The following DRC11 variants were observed in gnomAD, a reference collection of about 807,000 sequenced individuals.
DRC11 encodes the protein IQ and AAA domain-containing protein 1.
At chr2:236,363,222 G>A in the DRC11 span, among the ~76,000 whole-genome samples, 5 of 152,140 alleles carry the variant, frequency 3.3e-5, no homozygotes, top group African/African-American at 9.7e-5. The surrounding 1 kb of genome is among the most constrained non-coding windows in gnomAD (Gnocchi z 5.6). Context: ...TCTTTCAAAC[G>A]CATTCATTTT....
chr2:236,377,458 C>T, the DRC11 span, among the ~76,000 whole-genome samples: 1 of 152,184 alleles, frequency 6.6e-6, no homozygotes, highest in Non-Finnish European at 1.5e-5. This position sits in a 1 kb window ranked among gnomAD's most constrained non-coding sequence, Gnocchi z 4.9. Context: ...CTAACTCCTG[C>T]AGTCTGCCCT....
chr2:236,496,603 G>A, the DRC11 span, among the ~76,000 whole-genome samples: 3 of 152,194 alleles, frequency 2.0e-5, no homozygotes, highest in Non-Finnish European at 4.4e-5. The surrounding 1 kb of genome is among the most constrained non-coding windows in gnomAD (Gnocchi z 6.3). Flanking sequence ...AAGGGCTCCA[G>A]GGAGAGAGGG....
the DRC11 span, among the ~76,000 whole-genome samples, chr2:236,499,903 T>A: frequency 0.041 from 6,196 of 152,302 alleles, 401 homozygotes; most frequent in African/African-American, 0.14. The surrounding 1 kb of genome is among the most constrained non-coding windows in gnomAD (Gnocchi z 4.7). Context: ...CAAGTCATTA[T>A]TAAGCAGCCC....
the DRC11 span, among the ~76,000 whole-genome samples, chr2:236,460,222 A>G: frequency 2.0e-5 from 3 of 152,220 alleles, no homozygotes; most frequent in Non-Finnish European, 4.4e-5. The surrounding 1 kb of genome is among the most constrained non-coding windows in gnomAD (Gnocchi z 4.0). Flanking sequence ...TCTGCACAGC[A>G]CACCCACGAG....
chr2:236,404,132 A>G, the DRC11 span, among the ~76,000 whole-genome samples: 1 of 150,616 alleles, frequency 6.6e-6, no homozygotes, highest in Admixed American at 6.6e-5. Context: ...ACTGTCAGAC[A>G]ACTTTTTTGA....
the DRC11 span, among the ~76,000 whole-genome samples, chr2:236,461,258 AC>A: frequency 6.6e-6 from 1 of 152,232 alleles, no homozygotes; most frequent in South Asian, 2.1e-4. The surrounding 1 kb of genome is among the most constrained non-coding windows in gnomAD (Gnocchi z 4.0). Context: ...ATTCTCTGAC[AC>A]ACGAGAAAAT....
At chr2:236,422,722 A>G in the DRC11 span, among the ~76,000 whole-genome samples, 1 of 152,234 alleles carries the variant, frequency 6.6e-6, no homozygotes, top group Non-Finnish European at 1.5e-5. Context: ...ATATGGAACC[A>G]AAAAGGAGCC....
the DRC11 span, chr2:236,441,015 T>A: frequency 7.4e-7 from 1 of 1,359,916 alleles, no homozygotes; most frequent in Non-Finnish European, 1.0e-6. Flanking sequence ...TATATTTACA[T>A]TTTATTTCTC....
At chr2:236,312,235 T>C in the DRC11 span, among the ~76,000 whole-genome samples, 1,351 of 152,290 alleles carry the variant, frequency 8.9e-3, 10 homozygotes, top group Non-Finnish European at 0.012. Flanking sequence ...TACAGAACTT[T>C]CAAAGCCATT....
At chr2:236,461,139 C>A in the DRC11 span, among the ~76,000 whole-genome samples, 3 of 152,176 alleles carry the variant, frequency 2.0e-5, no homozygotes, top group Non-Finnish European at 4.4e-5. This position sits in a 1 kb window ranked among gnomAD's most constrained non-coding sequence, Gnocchi z 4.0. Context: ...TACAGTTGTA[C>A]ATAGTGCTTT....
chr2:236,336,177 T>A, the DRC11 span, among the ~76,000 whole-genome samples: 1 of 151,936 alleles, frequency 6.6e-6, no homozygotes, highest in Non-Finnish European at 1.5e-5. This position sits in a 1 kb window ranked among gnomAD's most constrained non-coding sequence, Gnocchi z 7.3. Context: ...AAAGCCAGGA[T>A]CACAATTTAT....
At chr2:236,357,180 T>G in the DRC11 span, among the ~76,000 whole-genome samples, 1 of 116,382 alleles carries the variant, frequency 8.6e-6, no homozygotes, top group Non-Finnish European at 1.7e-5. Context: ...ATATATTATA[T>G]ATATTCATAT....
the DRC11 span, among the ~76,000 whole-genome samples, chr2:236,383,771 A>G: frequency 1.2e-4 from 19 of 152,036 alleles, no homozygotes; most frequent in Middle Eastern, 3.4e-3. Context: ...CCACTAACGC[A>G]TCATCTAGCA....
the DRC11 span, among the ~76,000 whole-genome samples, chr2:236,463,847 T>A: frequency 4.6e-5 from 7 of 152,304 alleles, no homozygotes; most frequent in Non-Finnish European, 7.4e-5. This position sits in a 1 kb window ranked among gnomAD's most constrained non-coding sequence, Gnocchi z 5.0. Context: ...AAGGCTGCCA[T>A]GAAAGTGCTG....
chr2:236,485,982 C>T, the DRC11 span, among the ~76,000 whole-genome samples: 1 of 152,186 alleles, frequency 6.6e-6, no homozygotes. Flanking sequence ...GTGTGGGTGG[C>T]CCCTATAACT....
chr2:236,500,587 C>T, the DRC11 span, among the ~76,000 whole-genome samples: 1 of 152,190 alleles, frequency 6.6e-6, no homozygotes, highest in African/African-American at 2.4e-5. The surrounding 1 kb of genome is among the most constrained non-coding windows in gnomAD (Gnocchi z 6.3). Flanking sequence ...AAAGAGCACT[C>T]TTCCAGACCA....
At chr2:236,412,190 C>G in the DRC11 span, among the ~76,000 whole-genome samples, 1 of 152,168 alleles carries the variant, frequency 6.6e-6, no homozygotes. Context: ...CCACTGCGCC[C>G]AGCCAATTCT....
the DRC11 span, among the ~76,000 whole-genome samples, chr2:236,384,778 G>A: frequency 2.7e-4 from 41 of 151,652 alleles, 1 homozygote; most frequent in East Asian, 7.9e-3. Context: ...TTCTTCTAGG[G>A]TTTTTATGGT....
the DRC11 span, among the ~76,000 whole-genome samples, chr2:236,357,979 C>CAT: frequency 3.9e-3 from 422 of 108,602 alleles, 5 homozygotes; most frequent in African/African-American, 0.015. Context: ...AATATATACT[C>CAT]ATATATAAAT....
Sources: allele counts gnomAD v4.1 joint callset (sites outside exome capture counted in the v4.1 genomes callset), GRCh38; gene constraint gnomAD v4.1.1; non-coding constraint Gnocchi (gnomAD v3.1); transcripts MANE v1.5; gene names NCBI Gene and HGNC (gene_info 2026-07-23, HGNC 2026-07-21).